TNS1: variants seen among roughly 807,000 people sequenced by gnomAD.
TNS1 encodes the protein tensin 1, also known as tensin-1.
A neutral mutation model predicts 168.6 loss-of-function variants in TNS1; 62 were observed. That is an observed-to-expected ratio of 0.37 (90% CI 0.30 to 0.45). The LOEUF is 0.45. TNS1 is among the 20% of genes least tolerant of loss of function. The pLI is 1.00. For missense variants in TNS1, 2,240 were observed against 2,339.4 expected, an observed-to-expected ratio of 0.96 and a Z score of 0.88; for synonymous variants, 934 against 933.2, an observed-to-expected ratio of 1.00 and a Z score of -0.02.
chr2:217,888,673 G>A (rs1951449386), intron 12 of TNS1, among the ~76,000 whole-genome samples: 2 of 152,144 alleles, frequency 1.3e-5, no homozygotes, highest in Non-Finnish European at 2.9e-5. Context: ...TTTGTAAGGG[G>A]AAACCCCTTT....
At chr2:217,849,316 C>A (rs992167071) in intron 18 of TNS1, among the ~76,000 whole-genome samples, 2 of 152,206 alleles carry the variant, frequency 1.3e-5, no homozygotes, top group Non-Finnish European at 2.9e-5. Context: ...GGCAGTGGAG[C>A]CCAACACTGA....
chr2:217,835,871 G>T, intron 20 of TNS1, 144 bp downstream of exon 20: 1 of 665,888 alleles, frequency 1.5e-6, no homozygotes, highest in Non-Finnish European at 2.5e-6. Context: ...CCACATGTCA[G>T]AGAAGAGAGT....
chr2:217,812,879 C>G (rs1941216805), intron 27 of TNS1, among the ~76,000 whole-genome samples: 2 of 152,114 alleles, frequency 1.3e-5, no homozygotes. Flanking sequence ...CCCTACCAAA[C>G]AGGATGGTTG....
At chr2:217,975,223 G>A (rs1027382571) in intron 3 of TNS1, among the ~76,000 whole-genome samples, 1 of 152,092 alleles carries the variant, frequency 6.6e-6, no homozygotes, top group Non-Finnish European at 1.5e-5. Context: ...GCCCCAGTCA[G>A]GCCTTGAGAA....
chr2:217,915,679 G>A (rs376081994), intron 4 of TNS1, among the ~76,000 whole-genome samples: 6 of 152,146 alleles, frequency 3.9e-5, no homozygotes, highest in Non-Finnish European at 5.9e-5. Flanking sequence ...CGGCAACATC[G>A]GGTACTTAAA....
intron 18 of TNS1, among the ~76,000 whole-genome samples, chr2:217,852,525 TG>T (rs960983683): frequency 2.6e-5 from 4 of 152,312 alleles, no homozygotes; most frequent in African/African-American, 9.6e-5. Flanking sequence ...GTGAGAGCCA[TG>T]GGGGCAAATT....
At chr2:217,865,752 G>T (rs183779229) in intron 18 of TNS1, among the ~76,000 whole-genome samples, 28 of 152,302 alleles carry the variant, frequency 1.8e-4, no homozygotes, top group Middle Eastern at 3.4e-3. Flanking sequence ...TCTGGAGCCA[G>T]GAGTGTCTGA....
At chr2:217,826,744 G>C (rs1224774760) in intron 22 of TNS1, among the ~76,000 whole-genome samples, 1 of 152,206 alleles carries the variant, frequency 6.6e-6, no homozygotes, top group Non-Finnish European at 1.5e-5. Flanking sequence ...GAGAGGTGGG[G>C]ACAGGGAGGG....
upstream of TNS1, among the ~76,000 whole-genome samples, chr2:218,011,149 C>T (rs1958702295): frequency 6.6e-6 from 1 of 152,164 alleles, no homozygotes; most frequent in Admixed American, 6.5e-5. Context: ...CTCCCTTCTG[C>T]GTGCCCTTGC....
In TNS1 at chr2:217,967,820, A is replaced by G. The variant is rs141605747; in HGVS notation, c.186+10945T>C. Among the ~76,000 whole-genome samples the G allele has an allele frequency of 3.2e-3, 495 of 152,310 alleles. 1 individual carries two copies. The highest frequency in any genetic ancestry group is 0.011 in the African/African-American group (474 of 41,564). On this transcript the variant is annotated intron_variant, in intron 3 of 32. Transcript: ENST00000682258. ...CAAACACCTCTCAAATCATTCTATG[A>G]GGCCAAAACCAAAGATATCAAAGGA...
chr2:217,919,184 G>A (rs1358614479), intron 4 of TNS1, among the ~76,000 whole-genome samples: 1 of 152,214 alleles, frequency 6.6e-6, no homozygotes, highest in Non-Finnish European at 1.5e-5. Context: ...GAAACAGGAT[G>A]GGACCAGCCC....
intron 11 of TNS1, 48 bp from the exon 12 acceptor site, chr2:217,891,093 A>C: frequency 6.2e-7 from 1 of 1,601,940 alleles, no homozygotes; most frequent in Non-Finnish European, 8.5e-7. Context: ...TGCATCCAAG[A>C]GCCGCTTGTT....
intron 7 of TNS1, among the ~76,000 whole-genome samples, chr2:217,898,364 C>G: frequency 6.6e-6 from 1 of 152,210 alleles, no homozygotes; most frequent in East Asian, 1.9e-4. Context: ...AGAAGTCTCC[C>G]GAAAGGCCCC....
intron 3 of TNS1, among the ~76,000 whole-genome samples, chr2:217,922,228 A>G (rs533173771): frequency 6.6e-6 from 1 of 152,292 alleles, no homozygotes; most frequent in Non-Finnish European, 1.5e-5. Flanking sequence ...TACCCTGCCC[A>G]CGAGACCAGG....
At position 217,848,105 on chromosome 2, in the gene TNS1, C is replaced by T. The variant is rs758433178; in HGVS notation, c.2412G>A (p.Arg804=). 9.2e-5 allele frequency: 145 copies of T among 1,570,190 alleles called. 1 individual carries two copies. The East Asian group carries it at 3.1e-3, about 34-fold the overall frequency. The change falls in exon 19 of 33, where the codon AGG becomes AGA. Residue 804 remains arginine, a synonymous_variant. Coordinates refer to ENST00000682258, the MANE Select transcript of TNS1 (RefSeq NM_001387777.1). ...RAHLESLVAS[R]PSPQPLAETP... is the part of the protein sequence containing the mutation. ...TCTCTGCCAATGGCTGAGGGCTGGG[C>T]CTGCTGGCTACAAGACTCTCCAAGT...
chr2:217,927,307 A>G (rs370311494), intron 3 of TNS1, among the ~76,000 whole-genome samples: 2 of 152,332 alleles, frequency 1.3e-5, no homozygotes, highest in Admixed American at 6.5e-5. Context: ...GGTGAAGGAA[A>G]GGAAGAGGAG....
chr2:218,000,286 C>T (rs1250234322), intron 1 of TNS1, among the ~76,000 whole-genome samples: 4 of 152,164 alleles, frequency 2.6e-5, no homozygotes, highest in African/African-American at 9.7e-5. Flanking sequence ...ACATGTGAAC[C>T]AATAGATGCA....
At chr2:217,912,039 T>G (rs948967564) in intron 4 of TNS1, among the ~76,000 whole-genome samples, 1 of 152,120 alleles carries the variant, frequency 6.6e-6, no homozygotes, top group African/African-American at 2.4e-5. Context: ...CTTTCCTCAA[T>G]TTTTTTCCAA....
intron 10 of TNS1, 56 bp downstream of exon 10, chr2:217,893,371 CACACACACATGT>C: frequency 6.6e-7 from 1 of 1,512,248 alleles, no homozygotes; most frequent in South Asian, 1.3e-5. Flanking sequence ...CACATTCAGG[CACACACACATGT>C]GCGCATGTGC....
Sources: allele counts gnomAD v4.1 joint callset (sites outside exome capture counted in the v4.1 genomes callset), GRCh38; gene constraint gnomAD v4.1.1; transcripts MANE v1.5; gene names NCBI Gene and HGNC (gene_info 2026-07-23, HGNC 2026-07-21).